The following RBFOX1 variants were observed in gnomAD, a reference collection of about 807,000 sequenced individuals.
The protein encoded by RBFOX1 is RNA binding protein fox-1 homolog 1.
RBFOX1 carries 8 observed loss-of-function variants against 57.7 expected under a neutral mutation model. That is an observed-to-expected ratio of 0.14 (90% confidence interval 0.08 to 0.25). The LOEUF is 0.25. Ranked by LOEUF, RBFOX1 falls within the 10% of genes least tolerant of loss-of-function variation. The pLI, the probability that RBFOX1 is intolerant of heterozygous loss-of-function variation, is 1.00. For synonymous variants in RBFOX1, 326 were observed against 222.4 expected, an observed-to-expected ratio of 1.47 and a Z score of -4.15; for missense variants, 611 against 548.5, an observed-to-expected ratio of 1.11 and a Z score of -1.14.
intron 5 of RBFOX1, among the ~76,000 whole-genome samples, chr16:7,575,594 C>T (rs1411925962): frequency 2.0e-5 from 3 of 152,172 alleles, no homozygotes; most frequent in Non-Finnish European, 2.9e-5. Flanking sequence ...GGCATGATTC[C>T]TCCCTAGAGC....
At chr16:6,650,652 G>C (rs902183888) in intron 2 of RBFOX1, among the ~76,000 whole-genome samples, 2 of 152,174 alleles carry the variant, frequency 1.3e-5, no homozygotes, top group Non-Finnish European at 2.9e-5. Context: ...TAGGAAAACA[G>C]TCTGTTCTAC....
At chr16:7,483,118 G>C (rs921278554) in intron 4 of RBFOX1, among the ~76,000 whole-genome samples, 3 of 152,142 alleles carry the variant, frequency 2.0e-5, no homozygotes, top group African/African-American at 7.2e-5. Flanking sequence ...TAGAAGAACT[G>C]TTTCTCCAGC....
rs2059764543 is a variant in RBFOX1, at chr16:7,084,962, C to CTGTT, written c.27+32867_27+32868insTTGT. Among the ~76,000 whole-genome samples, 3 of 152,194 alleles carry CTGTT rather than the reference C, an allele frequency of 2.0e-5. No individual in the cohort carries two copies. In the South Asian group the frequency reaches 6.2e-4, roughly 32 times the overall value. On this transcript the variant is annotated intron_variant, in intron 4 of 15. Coordinates refer to ENST00000550418, the MANE Select transcript of RBFOX1 (RefSeq NM_018723.4). ...TGCATCTATTCATCTATCTATGTAT[C>CTGTT]TGTCTGTCTGTCTGTCCATCCGTCC...
At chr16:7,645,858 A>C (rs915670032) in intron 11 of RBFOX1, among the ~76,000 whole-genome samples, 1 of 152,218 alleles carries the variant, frequency 6.6e-6, no homozygotes, top group African/African-American at 2.4e-5. Context: ...TGTGTATATG[A>C]GAACTGGAGA....
chr16:7,401,791 C>A (rs2098248472), intron 4 of RBFOX1, among the ~76,000 whole-genome samples: 1 of 152,068 alleles, frequency 6.6e-6, no homozygotes, highest in South Asian at 2.1e-4. Context: ...ATGTCATAGG[C>A]CCAGCTTCTA....
At chr16:6,107,038 C>T (rs927359314) in intron 1 of RBFOX1, among the ~76,000 whole-genome samples, 1 of 152,188 alleles carries the variant, frequency 6.6e-6, no homozygotes, top group East Asian at 1.9e-4. Context: ...TTCGAGTGAA[C>T]CAAACATAAT....
At chr16:5,543,295 G>A (rs910519223) in intron 2 of RBFOX1, among the ~76,000 whole-genome samples, 1 of 152,136 alleles carries the variant, frequency 6.6e-6, no homozygotes, top group Non-Finnish European at 1.5e-5. Context: ...AATTAGCAGA[G>A]AGGGACGTGT....
chr16:5,593,086 C>T (rs1381738913), intron 2 of RBFOX1, among the ~76,000 whole-genome samples: 1 of 152,120 alleles, frequency 6.6e-6, no homozygotes, highest in Non-Finnish European at 1.5e-5. Flanking sequence ...GACCTGGAAC[C>T]AACCCAAATA....
chr16:7,647,469 A>G (rs1276259699), intron 11 of RBFOX1, among the ~76,000 whole-genome samples: 4 of 152,108 alleles, frequency 2.6e-5, no homozygotes, highest in Non-Finnish European at 5.9e-5. Flanking sequence ...TACTATATCC[A>G]CAAATCAACC....
intron 3 of RBFOX1, among the ~76,000 whole-genome samples, chr16:6,906,228 A>T (rs1180774876): frequency 6.9e-6 from 1 of 144,386 alleles, no homozygotes; most frequent in Non-Finnish European, 1.5e-5. Context: ...AACCCCAAAA[A>T]GCAATTTATT....
chr16:7,562,376 G>C (rs1010681186), intron 5 of RBFOX1, among the ~76,000 whole-genome samples: 1 of 152,140 alleles, frequency 6.6e-6, no homozygotes, highest in African/African-American at 2.4e-5. Flanking sequence ...TTACAGAAGA[G>C]GGCAGGAGTT....
intron 3 of RBFOX1, among the ~76,000 whole-genome samples, chr16:5,814,862 G>A (rs1363555623): frequency 6.6e-6 from 1 of 152,142 alleles, no homozygotes; most frequent in African/African-American, 2.4e-5. Flanking sequence ...CTGGGAAGCG[G>A]AGCTTGCAGT....
At chr16:7,474,929 C>G (rs1283659544) in intron 4 of RBFOX1, among the ~76,000 whole-genome samples, 1 of 152,172 alleles carries the variant, frequency 6.6e-6, no homozygotes, top group Non-Finnish European at 1.5e-5. Flanking sequence ...TATGGAGTGC[C>G]TGTGTTGGTC....
chr16:6,285,073 CGTT>C (rs1296591570), intron 1 of RBFOX1, among the ~76,000 whole-genome samples: 2 of 151,868 alleles, frequency 1.3e-5, no homozygotes, highest in South Asian at 2.1e-4. Flanking sequence ...TTGATTTCTT[CGTT>C]GTTGTTTCTT....
intron 4 of RBFOX1, among the ~76,000 whole-genome samples, chr16:7,403,841 G>A (rs563613240): frequency 6.6e-6 from 1 of 150,840 alleles, no homozygotes; most frequent in Non-Finnish European, 1.5e-5. Context: ...CCACCATGCC[G>A]GGGCTCCTTG....
chr16:7,620,952 A>G (rs1051266084), intron 10 of RBFOX1, among the ~76,000 whole-genome samples: 1 of 152,154 alleles, frequency 6.6e-6, no homozygotes, highest in Non-Finnish European at 1.5e-5. Flanking sequence ...TTAGCTGTAC[A>G]TGAGGTTCCT....
At chr16:6,664,426 AGCGTCAGCAAATCATCTT>A (rs1185488989) in intron 3 of RBFOX1, among the ~76,000 whole-genome samples, 1 of 152,192 alleles carries the variant, frequency 6.6e-6, no homozygotes, top group Non-Finnish European at 1.5e-5. Flanking sequence ...GCGGTCATCT[AGCGTCAGCAAATCATCTT>A]GTATCTACAG....
intron 2 of RBFOX1, among the ~76,000 whole-genome samples, chr16:6,380,143 G>A (rs886627632): frequency 4.6e-5 from 7 of 152,126 alleles, no homozygotes; most frequent in African/African-American, 1.7e-4. Context: ...TTGAAGATGG[G>A]AGGAAAGTAG....
At chr16:5,392,307 A>T (rs903772931) in intron 1 of RBFOX1, among the ~76,000 whole-genome samples, 1 of 152,116 alleles carries the variant, frequency 6.6e-6, no homozygotes, top group Admixed American at 6.5e-5. Flanking sequence ...TAAAAAATAA[A>T]ATAAGGGCAT....
Sources: allele counts gnomAD v4.1 joint callset (sites outside exome capture counted in the v4.1 genomes callset), GRCh38; gene constraint gnomAD v4.1.1; transcripts MANE v1.5; gene names NCBI Gene and HGNC (gene_info 2026-07-23, HGNC 2026-07-21).